The following PATJ variants were observed in gnomAD, a reference collection of about 807,000 sequenced individuals.
The protein encoded by PATJ is inaD-like protein.
In PATJ, 190 loss-of-function variants were observed where a neutral mutation model predicts 224.9. The observed-to-expected ratio is 0.84, with a 90% CI of 0.75 to 0.95. The LOEUF (loss-of-function observed/expected upper bound fraction) is 0.95. PATJ is among the 40% of genes least tolerant of loss of function. The probability of loss-of-function intolerance (pLI) is 0.00; values close to 1 mark genes in which losing one functional copy is unlikely to be tolerated. For synonymous variants in PATJ, 769 were observed against 820.3 expected (o/e 0.94, Z 1.07); for missense variants, 2,121 against 2,270.3 (o/e 0.93, Z 1.34).
chr1:62,038,993 C>A, intron 30 of PATJ: 1 of 1,363,566 alleles, frequency 7.3e-7, no homozygotes, highest in Non-Finnish European at 1.0e-6. Context: ...CAACAAGCAG[C>A]TGAGCTAACC....
chr1:61,925,651 T>C (rs1007761285), intron 26 of PATJ, among the ~76,000 whole-genome samples: 2 of 152,196 alleles, frequency 1.3e-5, no homozygotes, highest in East Asian at 1.9e-4. Flanking sequence ...GTGAGTCTGC[T>C]TGAGCATCTC....
chr1:61,905,878 A>C lies in PATJ; in HGVS notation c.3382-2494A>C, dbSNP rs544196341. On this transcript the variant is annotated intron_variant, in intron 24 of 43. Transcript: ENST00000642238. ...ATGTCTTATAATTCTGATACTATGT[A>C]TCTGGAGATAGTATCAGATCCCCAG... 1.0e-3 allele frequency among the ~76,000 whole-genome samples: 157 copies of C among 152,338 alleles called. 2 individuals carry two copies. In the South Asian group the frequency reaches 0.032, roughly 31 times the overall value.
intron 27 of PATJ, among the ~76,000 whole-genome samples, chr1:61,968,790 A>G (rs2149454436): frequency 6.6e-6 from 1 of 152,004 alleles, no homozygotes; most frequent in East Asian, 1.9e-4. Flanking sequence ...ATTCCCACCT[A>G]TGAGTGAGAA....
intron 34 of PATJ, among the ~76,000 whole-genome samples, chr1:62,110,867 C>A (rs184312743): frequency 6.6e-6 from 1 of 152,166 alleles, no homozygotes; most frequent in Non-Finnish European, 1.5e-5. Flanking sequence ...AAATAGGAAG[C>A]CCTGCTATTT....
intron 29 of PATJ, among the ~76,000 whole-genome samples, chr1:62,021,629 C>T (rs1284207812): frequency 6.6e-6 from 1 of 152,060 alleles, no homozygotes; most frequent in Admixed American, 6.6e-5. Context: ...TACAAAATTC[C>T]TCATACGTCA....
At chr1:62,096,078 A>G (rs115611756) in intron 33 of PATJ, among the ~76,000 whole-genome samples, 3,128 of 152,276 alleles carry the variant, frequency 0.021, 114 homozygotes, top group African/African-American at 0.071. Flanking sequence ...CAGAAAAAGC[A>G]CAAAAATTAA....
At chr1:61,821,851 C>T (rs1266083120) in intron 14 of PATJ, among the ~76,000 whole-genome samples, 3 of 152,104 alleles carry the variant, frequency 2.0e-5, no homozygotes, top group Non-Finnish European at 2.9e-5. Context: ...CTTTGAAAGT[C>T]AGGGGAATGG....
intron 30 of PATJ, among the ~76,000 whole-genome samples, chr1:62,040,336 T>C (rs1279027896): frequency 6.6e-6 from 1 of 152,042 alleles, no homozygotes; most frequent in African/African-American, 2.4e-5. Context: ...CTCGAACTCC[T>C]GACCTCAGAT....
At chr1:61,896,480 G>T (rs190657696) in intron 22 of PATJ, among the ~76,000 whole-genome samples, 5 of 152,092 alleles carry the variant, frequency 3.3e-5, no homozygotes, top group Non-Finnish European at 5.9e-5. Context: ...AGGCTTCTAG[G>T]TGGAAAGGAC....
At chr1:62,067,137 T>G (rs1656615698) in intron 31 of PATJ, among the ~76,000 whole-genome samples, 1 of 146,022 alleles carries the variant, frequency 6.8e-6, no homozygotes, top group African/African-American at 2.5e-5. Flanking sequence ...TTTTTTTTTT[T>G]TTTTTTTGAG....
chr1:61,770,925 A>AAAG (rs1646566142), intron 5 of PATJ, among the ~76,000 whole-genome samples: 1 of 151,998 alleles, frequency 6.6e-6, no homozygotes, highest in Non-Finnish European at 1.5e-5. Flanking sequence ...AAAAAAAAAA[A>AAAG]AAGCTCAGAT....
chr1:61,779,176 A>G (rs1043041567), intron 7 of PATJ, among the ~76,000 whole-genome samples: 1 of 152,268 alleles, frequency 6.6e-6, no homozygotes, highest in African/African-American at 2.4e-5. Context: ...AAACAGAACC[A>G]ATAGGACATG....
At chr1:61,895,355 C>T (rs1670206281) in intron 22 of PATJ, among the ~76,000 whole-genome samples, 1 of 152,226 alleles carries the variant, frequency 6.6e-6, no homozygotes, top group South Asian at 2.1e-4. Flanking sequence ...GTGGCAGCTC[C>T]TCCCATCACA....
intron 1 of PATJ, among the ~76,000 whole-genome samples, chr1:61,749,208 A>G (rs1645190978): frequency 6.6e-6 from 1 of 150,392 alleles, no homozygotes; most frequent in Non-Finnish European, 1.5e-5. Context: ...GGGTTTCACC[A>G]TGTTGGCCAG....
At chr1:61,873,273 T>C (rs1666889158) in intron 20 of PATJ, among the ~76,000 whole-genome samples, 1 of 152,120 alleles carries the variant, frequency 6.6e-6, no homozygotes, top group South Asian at 2.1e-4. Context: ...GCTCAGGCTA[T>C]CCTCCCACCT....
intron 42 of PATJ, among the ~76,000 whole-genome samples, chr1:62,151,312 C>T (rs1252301657): frequency 6.6e-6 from 1 of 150,588 alleles, no homozygotes; most frequent in East Asian, 2.0e-4. Flanking sequence ...CAAAATTGGC[C>T]AGGCGGTGGC....
At chr1:61,896,752 C>T (rs1479209646) in intron 22 of PATJ, among the ~76,000 whole-genome samples, 1 of 152,116 alleles carries the variant, frequency 6.6e-6, no homozygotes, top group Non-Finnish European at 1.5e-5. Context: ...ACATGTTGTT[C>T]TCATGAGAGT....
intron 7 of PATJ, 85 bp from the exon 8 acceptor site, chr1:61,787,669 C>A: frequency 1.0e-6 from 1 of 1,003,732 alleles, no homozygotes; most frequent in South Asian, 1.5e-5. Context: ...AGCCATTTTG[C>A]CAGAGCTGAA....
chr1:62,012,359 G>T (rs1468648140), intron 28 of PATJ, among the ~76,000 whole-genome samples: 1 of 152,160 alleles, frequency 6.6e-6, no homozygotes, highest in African/African-American at 2.4e-5. Flanking sequence ...GTTGTTCTGA[G>T]ATCTAAATGA....
Sources: allele counts gnomAD v4.1 joint callset (sites outside exome capture counted in the v4.1 genomes callset), GRCh38; gene constraint gnomAD v4.1.1; transcripts MANE v1.5; gene names NCBI Gene and HGNC (gene_info 2026-07-23, HGNC 2026-07-21).